The following INAVA variants were observed in gnomAD, a reference collection of about 807,000 sequenced individuals.
The protein encoded by INAVA is innate immunity activator protein.
INAVA carries 32 observed loss-of-function variants against 55.3 expected under a neutral mutation model. The observed-to-expected ratio is 0.58, with a 90% CI of 0.44 to 0.78. The LOEUF (loss-of-function observed/expected upper bound fraction) is 0.78, where lower values mean the gene tolerates loss of function less well. Among genes scored for constraint, INAVA ranks in the 30% least tolerant of loss-of-function variants. The pLI, the probability that INAVA is intolerant of heterozygous loss-of-function variation, is 0.00. For synonymous variants in INAVA, 294 were observed against 329.4 expected (o/e 0.89, Z 1.16); for missense variants, 756 against 786.4 (o/e 0.96, Z 0.46).
At chr1:200,896,855 C>T (rs1007709340) in intron 1 of INAVA, among the ~76,000 whole-genome samples, 4 of 152,256 alleles carry the variant, frequency 2.6e-5, no homozygotes, top group Admixed American at 1.3e-4. Context: ...TCACCTCCCC[C>T]ACCCTGCGGC....
At chr1:200,898,521 C>CCCCTGAG (rs573249480) in intron 2 of INAVA, 66 bp downstream of exon 2, 582 of 1,562,286 alleles carry the variant, frequency 3.7e-4, no homozygotes, top group Non-Finnish European at 4.9e-4. Flanking sequence ...CTGGCCCTGA[C>CCCCTGAG]TCCTGAGTCC....
intron 8 of INAVA, among the ~76,000 whole-genome samples, chr1:200,911,145 CTTAATGTAGTACTT>C (rs1653702962): frequency 6.7e-6 from 1 of 149,112 alleles, no homozygotes; most frequent in Non-Finnish European, 1.5e-5. Flanking sequence ...AAAAAAAGTA[CTTAATGTAGTACTT>C]TAAAAAAAGT....
At chr1:200,896,370 T>TGGGGGGGGGGGGGGGGGGGG (rs1163797785) in intron 1 of INAVA, among the ~76,000 whole-genome samples, 1 of 82,482 alleles carries the variant, frequency 1.2e-5, no homozygotes, top group African/African-American at 4.8e-5. Context: ...TGGGAAGGGG[T>TGGGGGGGGGGGGGGGGGGGG]GGGGGTGAGC....
At chr1:200,900,695 T>C (rs370121768) in intron 4 of INAVA, among the ~76,000 whole-genome samples, 33 of 152,308 alleles carry the variant, frequency 2.2e-4, no homozygotes, top group African/African-American at 7.7e-4. Flanking sequence ...CCTGCCCGGT[T>C]CAGCAGGTGG....
Position 200,908,184 on chromosome 1 carries a change from T to C in INAVA, c.574+297T>C, listed in dbSNP as rs1229527162. On this transcript the variant is annotated intron_variant, in intron 6 of 9. Transcript: ENST00000413687. ...GTCCCTCCTTCACCCTTGGGTGTGA[T>C]TTCAAGATGCACCAGTCAGAGCCAA... The C allele has an allele frequency of 9.3e-6, 3 of 321,520 alleles. No individual in the cohort carries two copies. In the East Asian group the frequency reaches 1.6e-4, roughly 17 times the overall value. 19.9% of individuals were successfully genotyped at this position (321,520 alleles called of 1,614,324 possible). A position where few individuals can be genotyped will look rare whatever the true frequency, so the allele number is the denominator to read the frequency against.
chr1:200,896,338 GTGGGAGGA>G (rs1668351080), intron 1 of INAVA, among the ~76,000 whole-genome samples: 1 of 150,788 alleles, frequency 6.6e-6, no homozygotes, highest in African/African-American at 2.4e-5. Flanking sequence ...TCTGGGGAGG[GTGGGAGGA>G]TGGCTAGGGT....
intron 3 of INAVA, 37 bp from the exon 4 acceptor site, chr1:200,900,067 G>T: frequency 1.3e-6 from 2 of 1,559,406 alleles, no homozygotes; most frequent in Non-Finnish European, 8.8e-7. Flanking sequence ...GTCTGGGCAG[G>T]TGGAGAGGAC....
In INAVA at chr1:200,909,363, A is replaced by G; in HGVS notation, c.925A>G (p.Ile309Val). Residue 309 changes from isoleucine to valine, a missense_variant, in exon 8 of 10, where the codon ATA becomes GTA. Physicochemically the swap from Ile to Val is conservative, Grantham distance 29. Coordinates refer to ENST00000413687, the MANE Select transcript of INAVA (RefSeq NM_001142569.3). Reference protein sequence around the residue: ...GRTSAPATPEIQGRRGQSQSL... With the variant: ...GRTSAPATPEVQGRRGQSQSL... ...CACCAGTGCCCCAGCCACCCCTGAGATACAGGGGAGGAGGGGCCAGTCGCA... is the reference window on the plus strand; with the variant it reads ...CACCAGTGCCCCAGCCACCCCTGAGGTACAGGGGAGGAGGGGCCAGTCGCA... The G allele has an allele frequency of 1.9e-6, 3 of 1,608,560 alleles. No homozygotes were observed.
chr1:200,895,704 G>C (rs948213292), intron 1 of INAVA, among the ~76,000 whole-genome samples: 4 of 152,148 alleles, frequency 2.6e-5, no homozygotes, highest in African/African-American at 9.7e-5. Context: ...CAGATGTGAG[G>C]GTCCGCTATG....
In INAVA at chr1:200,913,623, G is replaced by C; in HGVS notation, c.1731G>C (p.Gln577His). The change falls in exon 10 of 10, where the codon CAG (glutamine) becomes CAC (histidine). Residue 577 changes from glutamine (Q) to histidine (H), a missense_variant. By Grantham distance (24) the Gln-to-His change is conservative. Coordinates refer to ENST00000413687, the MANE Select transcript of INAVA (RefSeq NM_001142569.3). Reference protein sequence around the residue: ...FVPEKGEIISQV With the variant: ...FVPEKGEIISHV ...CTGAAAAAGGAGAGATCATCAGCCA[G>C]GTGTAACTCTGCGCCCCACGCTGGA... is the stretch of plus-strand genomic sequence containing the variant. 6.2e-7 allele frequency: 1 copy of C among 1,613,712 alleles called. No individual in the cohort carries two copies.
chr1:200,901,074 G>A lies in INAVA; in HGVS notation c.435G>A (p.Lys145=). 6.5e-7 allele frequency: 1 copy of A among 1,541,574 alleles called. No homozygotes were observed. The highest frequency in any genetic ancestry group is 8.7e-7 in the Non-Finnish European group (1 of 1,146,314). Residue 145 remains lysine (K), a synonymous_variant, in exon 5 of 10, where the codon AAG becomes AAA. Coordinates refer to ENST00000413687, the MANE Select transcript of INAVA (RefSeq NM_001142569.3). ...AGCACTCCATGCTGCAGGAGGAGAA[G>A]AAGCTGCAGGAGCTCCAGCGCTGCC... ...QRKHSMLQEE[K]KLQELQRCLV...
Position 200,911,661 on chromosome 1 carries a change from C to T in INAVA, c.1168C>T (p.Pro390Ser), listed in dbSNP as rs1248844303. Residue 390 changes from proline to serine, a missense_variant, in exon 9 of 10, where the codon CCC becomes TCC. Around this residue, in one of 2 missense-constraint regions of INAVA, gnomAD observed 639 missense variants for 624.3 expected, o/e 1.02. Coordinates refer to ENST00000413687, the MANE Select transcript of INAVA (RefSeq NM_001142569.3). ...CCCCACTTCGCCGGGCAGCAGCAGC[C>T]CCGACATCTCCTTTCTGCAGCCTCT... ...SHPTSPGSSS[P>S]DISFLQPLSP... 10 of 1,614,056 alleles carry T rather than the reference C, an allele frequency of 6.2e-6. 1 individual carries two copies. The South Asian group carries it at 1.1e-4, about 18-fold the overall frequency.
At position 200,909,367 on chromosome 1, in the gene INAVA, A is replaced by G. The variant is rs772851569; in HGVS notation, c.929A>G (p.Gln310Arg). The G allele has an allele frequency of 1.4e-5, 22 of 1,605,968 alleles. No homozygotes were observed. Among genetic ancestry groups the G allele is most frequent in the Non-Finnish European group, 1.7e-6 (2 of 1,175,428 alleles). ...AGTGCCCCAGCCACCCCTGAGATACAGGGGAGGAGGGGCCAGTCGCAGTCT... is the reference window on the plus strand; with the variant it reads ...AGTGCCCCAGCCACCCCTGAGATACGGGGGAGGAGGGGCCAGTCGCAGTCT... The part of the protein sequence containing the change: ...RTSAPATPEI[Q>R]GRRGQSQSLR... Residue 310 changes from glutamine (Q) to arginine (R), a missense_variant, in exon 8 of 10, where the codon CAG becomes CGG. Gln to Arg is a conservative substitution (Grantham distance 43). Coordinates refer to ENST00000413687, the MANE Select transcript of INAVA (RefSeq NM_001142569.3).
In INAVA at chr1:200,902,756, C is replaced by G. The variant is rs535281211; in HGVS notation, c.520+1597C>G. On this transcript the variant is annotated intron_variant, in intron 5 of 9. Coordinates refer to ENST00000413687, the MANE Select transcript of INAVA (RefSeq NM_001142569.3). ...TCCTGCTCCCCGGTCCAGCCTCACA[C>G]TGCTCAGCAGCCTCCCCTGCCCACC... 1.8e-4 allele frequency among the ~76,000 whole-genome samples: 27 copies of G among 152,380 alleles called. No individual in the cohort carries two copies. In the East Asian group the frequency reaches 5.0e-3, roughly 28 times the overall value.
intron 9 of INAVA, among the ~76,000 whole-genome samples, 165 bp from the exon 10 acceptor site, chr1:200,913,372 C>A (rs1353643250): frequency 6.6e-6 from 1 of 152,202 alleles, no homozygotes; most frequent in Non-Finnish European, 1.5e-5. Flanking sequence ...CCCTGAAGAA[C>A]AGAGAGCATC....
At chr1:200,892,426 T>A (rs975218624), upstream of INAVA, among the ~76,000 whole-genome samples, 2 of 151,760 alleles carry the variant, frequency 1.3e-5, no homozygotes, top group Non-Finnish European at 2.9e-5. Flanking sequence ...TTAAAAAAAA[T>A]GGAGAGTGGA....
At chr1:200,902,742 G>A (rs938288086) in intron 5 of INAVA, among the ~76,000 whole-genome samples, 6 of 152,228 alleles carry the variant, frequency 3.9e-5, no homozygotes, top group African/African-American at 9.6e-5. Context: ...CCTGCTCCCC[G>A]GTCCAGCCTC....
intron 2 of INAVA, 108 bp from the exon 3 acceptor site, chr1:200,899,357 ATGTGTGTG>A (rs138282802): frequency 1.4e-5 from 18 of 1,326,714 alleles, no homozygotes; most frequent in Non-Finnish European, 1.7e-5. Flanking sequence ...CAGGCATGAG[ATGTGTGTG>A]TGTGTGTGCA....
At chr1:200,898,849 C>A (rs1443211506) in intron 2 of INAVA, among the ~76,000 whole-genome samples, 1 of 152,088 alleles carries the variant, frequency 6.6e-6, no homozygotes, top group African/African-American at 2.4e-5. Flanking sequence ...ACCATCCTGG[C>A]TACCACATAG....
Sources: gnomAD v4.1 joint callset for allele counts (sites outside exome capture counted in the v4.1 genomes callset) on GRCh38, gnomAD v4.1.1 for gene constraint, gnomAD v4.1.1 regional missense constraint, MANE v1.5 for transcripts, NCBI Gene and HGNC (gene_info 2026-07-23, HGNC 2026-07-21) for gene names.